Variants in VPS35L observed in about 807,000 individuals in gnomAD.
VPS35L encodes VPS35 endosomal protein-sorting factor-like.
In VPS35L, 83 loss-of-function variants were observed where a neutral mutation model predicts 133.0. The ratio of observed to expected loss-of-function variants is 0.62; its 90% CI spans 0.52 to 0.75. VPS35L has a LOEUF of 0.75. Among genes scored for constraint, VPS35L ranks in the 30% least tolerant of loss-of-function variants. VPS35L has a pLI of 0.00. For synonymous variants in VPS35L, 423 were observed against 449.9 expected (o/e 0.94, Z 0.76); for missense variants, 1,083 against 1,206.8 (o/e 0.90, Z 1.52).
Position 19,569,526 on chromosome 16 carries a change from G to A in VPS35L, c.220G>A (p.Asp74Asn), listed in dbSNP as rs746313792. The change falls in exon 3 of 31, where the codon GAT (aspartate) becomes AAT (asparagine). Residue 74 changes from aspartate to asparagine, a missense_variant. Physicochemically the swap from Asp to Asn is conservative, Grantham distance 23. Coordinates refer to ENST00000417362, the MANE Select transcript of VPS35L (RefSeq NM_020314.7). ...GGTGGACCCGCTGAGCAGCGTCCTC[G>A]ATGGGACTGACCCCCTCTCCATGTT... Reference protein sequence around the residue: ...SVVDPLSSVLDGTDPLSMFAA... With the variant: ...SVVDPLSSVLNGTDPLSMFAA... 3.1e-6 allele frequency: 5 copies of A among 1,608,846 alleles called. No homozygotes were observed. In the African/African-American group the frequency reaches 4.0e-5, roughly 13 times the overall value.
chr16:19,647,898 C>T lies in VPS35L; in HGVS notation c.2028+16C>T. On this transcript the variant is annotated intron_variant, in intron 24 of 30. Transcript: ENST00000417362. Reference sequence around the variant, plus strand: ...GTTGATTCATGTAAGTATTTTCATTCATTAGTTTCTTCTCTCAGTAAATAT... The same window carrying T: ...GTTGATTCATGTAAGTATTTTCATTTATTAGTTTCTTCTCTCAGTAAATAT... 1 of 1,571,074 alleles carries T rather than the reference C, an allele frequency of 6.4e-7. No homozygotes were observed. Among genetic ancestry groups the T allele is most frequent in the Non-Finnish European group, 8.8e-7 (1 of 1,141,154 alleles).
At chr16:19,577,726 G>A (rs1018351965) in intron 5 of VPS35L, among the ~76,000 whole-genome samples, 1 of 152,030 alleles carries the variant, frequency 6.6e-6, no homozygotes, top group African/African-American at 2.4e-5. Flanking sequence ...GGTCATGAGG[G>A]TGGAACCCTC....
intron 7 of VPS35L, among the ~76,000 whole-genome samples, chr16:19,590,377 C>A (rs1379371796): frequency 6.6e-6 from 1 of 152,108 alleles, no homozygotes; most frequent in African/African-American, 2.4e-5. Context: ...TTCTAAATGT[C>A]TGAACATCTT....
rs529462508 is a variant in VPS35L, at chr16:19,691,376, G to T, written c.2551G>T (p.Gly851Trp). ...DKVDSNDSLYGGDSKFLAENN... is the reference protein window; with the variant it reads ...DKVDSNDSLYWGDSKFLAENN... ...AGTGGACTCCAACGACAGCCTCTACGGGGGAGACTCCAAGTTCCTGGCAGA... is the reference window on the plus strand; with the variant it reads ...AGTGGACTCCAACGACAGCCTCTACTGGGGAGACTCCAAGTTCCTGGCAGA... The change falls in exon 29 of 31, where the codon GGG becomes TGG. Residue 851 changes from glycine (G) to tryptophan (W), a missense_variant. By Grantham distance (184) the Gly-to-Trp change is radical. Transcript: ENST00000417362. 39 of 1,613,460 alleles carry T rather than the reference G, an allele frequency of 2.4e-5. No homozygotes were observed. Among genetic ancestry groups the T allele is most frequent in the South Asian group, 2.3e-4 (21 of 91,066 alleles).
chr16:19,686,445 T>A (rs893645939), intron 28 of VPS35L, among the ~76,000 whole-genome samples: 1 of 152,112 alleles, frequency 6.6e-6, no homozygotes, highest in Non-Finnish European at 1.5e-5. Flanking sequence ...ATCCTCAATG[T>A]TTATGTATTT....
intron 7 of VPS35L, among the ~76,000 whole-genome samples, chr16:19,582,744 G>T (rs1053345466): frequency 3.3e-5 from 5 of 152,146 alleles, no homozygotes; most frequent in African/African-American, 4.8e-5. Context: ...CTTCTAAGAG[G>T]TTTACATCTG....
intron 14 of VPS35L, among the ~76,000 whole-genome samples, chr16:19,624,711 G>T (rs973641323): frequency 3.3e-5 from 5 of 152,184 alleles, no homozygotes; most frequent in Non-Finnish European, 5.9e-5. Flanking sequence ...CTCCCAAAGT[G>T]CTGGGATTAC....
intron 7 of VPS35L, among the ~76,000 whole-genome samples, chr16:19,583,624 A>G (rs1971773174): frequency 6.6e-6 from 1 of 151,992 alleles, no homozygotes; most frequent in African/African-American, 2.4e-5. Flanking sequence ...TGGGAGGCTG[A>G]GGCACGAGAA....
intron 12 of VPS35L, 116 bp from the exon 13 acceptor site, chr16:19,615,994 ATAAT>A (rs1972878892): frequency 2.4e-6 from 1 of 408,788 alleles, no homozygotes; most frequent in Non-Finnish European, 4.0e-6. Context: ...AATAATAATA[ATAAT>A]TTTCTGGACT....
At chr16:19,618,917 A>G (rs1597366733) in intron 14 of VPS35L, among the ~76,000 whole-genome samples, 1 of 146,660 alleles carries the variant, frequency 6.8e-6, no homozygotes, top group Non-Finnish European at 1.5e-5. Context: ...TTCTTTGCCT[A>G]TCTGTTTTTT....
chr16:19,621,125 A>G (rs1338656352), intron 14 of VPS35L, among the ~76,000 whole-genome samples: 2 of 152,196 alleles, frequency 1.3e-5, no homozygotes, highest in Non-Finnish European at 2.9e-5. Context: ...AGAGAGGGCC[A>G]TCTAGATTCT....
intron 14 of VPS35L, among the ~76,000 whole-genome samples, chr16:19,624,511 A>G (rs1054845865): frequency 1.6e-4 from 24 of 152,108 alleles, no homozygotes; most frequent in African/African-American, 5.8e-4. Context: ...CTTGAACCCA[A>G]GAGGCGGAGG....
intron 27 of VPS35L, among the ~76,000 whole-genome samples, chr16:19,675,356 T>C (rs1355926645): frequency 6.6e-6 from 1 of 152,036 alleles, no homozygotes; most frequent in Non-Finnish European, 1.5e-5. Context: ...CCTCATTTTT[T>C]GTTAGCAATT....
chr16:19,615,644 T>C (rs113697003), intron 12 of VPS35L, among the ~76,000 whole-genome samples: 4,387 of 144,032 alleles, frequency 0.03, 198 homozygotes, highest in African/African-American at 0.1. Flanking sequence ...AGCGAGACTC[T>C]GTCTCAAAAC....
At chr16:19,634,429 A>C (rs1458183289) in intron 19 of VPS35L, among the ~76,000 whole-genome samples, 2 of 152,040 alleles carry the variant, frequency 1.3e-5, no homozygotes, top group African/African-American at 4.8e-5. Context: ...AAAAAAAAAA[A>C]AAAAAACCCA....
intron 19 of VPS35L, among the ~76,000 whole-genome samples, chr16:19,636,922 T>G (rs1198985715): frequency 6.6e-6 from 1 of 152,198 alleles, no homozygotes. Flanking sequence ...GGGTAATACC[T>G]TGGCCTTTAA....
At position 19,589,764 on chromosome 16, in the gene VPS35L, A is replaced by C. The variant is rs1024116298; in HGVS notation, c.640-2026A>C. Among the ~76,000 whole-genome samples, 6 of 152,184 alleles carry C rather than the reference A, an allele frequency of 3.9e-5. No individual in the cohort carries two copies. The East Asian group carries it at 5.8e-4, about 15-fold the overall frequency. On this transcript the variant is annotated intron_variant, in intron 7 of 30. Transcript: ENST00000417362. ...ATGTTCTATGAAACCAGCTTGGGAGAAAATCAATGCACAGATGTTTGGGAA... is the reference window on the plus strand; with the variant it reads ...ATGTTCTATGAAACCAGCTTGGGAGCAAATCAATGCACAGATGTTTGGGAA...
intron 26 of VPS35L, among the ~76,000 whole-genome samples, chr16:19,656,530 C>A (rs1974308691): frequency 1.3e-5 from 2 of 151,398 alleles, no homozygotes; most frequent in Non-Finnish European, 2.9e-5. Flanking sequence ...TGGTCCCAGT[C>A]CTGACTCTGC....
At chr16:19,627,898 GCCAGCAGGA>G in intron 16 of VPS35L, 93 bp downstream of exon 16, 1 of 988,054 alleles carries the variant, frequency 1.0e-6, no homozygotes, top group Non-Finnish European at 1.6e-6. Context: ...AACAGCATGG[GCCAGCAGGA>G]ACACAGGCGA....
Sources: allele counts gnomAD v4.1 joint callset (sites outside exome capture counted in the v4.1 genomes callset), GRCh38; gene constraint gnomAD v4.1.1; transcripts MANE v1.5; gene names NCBI Gene and HGNC (gene_info 2026-07-23, HGNC 2026-07-21).